The following TTN variants were observed in gnomAD, a reference collection of about 807,000 sequenced individuals.
The protein encoded by TTN is connectin.
Under a neutral mutation model 3,223.0 loss-of-function variants are expected in TTN, and 1,525 were observed. The observed-to-expected ratio is 0.47, with a 90% CI of 0.45 to 0.49. TTN has a LOEUF of 0.49. TTN is among the 20% of genes least tolerant of loss of function. TTN has a pLI of 0.00. For synonymous variants in TTN, 14,094 were observed against 15,161.0 expected, an observed-to-expected ratio of 0.93 and a Z score of 5.17; for missense variants, 40,786 against 43,424.0, an observed-to-expected ratio of 0.94 and a Z score of 5.40.
intron 47 of TTN, chr2:178,745,487 T>C (rs1211816870): frequency 6.5e-7 from 1 of 1,545,100 alleles, no homozygotes. Flanking sequence ...TCAAATATGG[T>C]GGACCTGTTT....
intron 1 of TTN, among the ~76,000 whole-genome samples, 170 bp from the exon 2 acceptor site, chr2:178,804,825 G>A (rs1029245173): frequency 3.3e-5 from 5 of 152,144 alleles, no homozygotes; most frequent in Non-Finnish European, 7.4e-5. Context: ...GTTTTGCATA[G>A]TTCATCATTG....
chr2:178,782,723 T>C, intron 18 of TTN, 83 bp downstream of exon 18: 1 of 1,608,842 alleles, frequency 6.2e-7, no homozygotes, highest in Non-Finnish European at 8.5e-7. Context: ...CATTTCAAGG[T>C]GCACAGAAAC....
Position 178,684,750 on chromosome 2 carries a change from C to T in TTN, c.32555-1G>A, listed in dbSNP as rs932486601. On this transcript the variant is annotated splice_acceptor_variant, in intron 130 of 362. Coordinates refer to ENST00000589042, the MANE Select transcript of TTN (RefSeq NM_001267550.2). LOFTEE classifies it high-confidence loss of function. Reference sequence around the variant, plus strand: ...ACTGGTTTCTTTGGCTCTTCTGGCACTTAAAAGATACCAGGCAATACCATC... The same window carrying T: ...ACTGGTTTCTTTGGCTCTTCTGGCATTTAAAAGATACCAGGCAATACCATC... 3 of 1,613,072 alleles carry T rather than the reference C, an allele frequency of 1.9e-6. No individual in the cohort carries two copies. Among genetic ancestry groups the T allele is most frequent in the Non-Finnish European group, 2.5e-6 (3 of 1,179,564 alleles).
At position 178,721,952 on chromosome 2, in the gene TTN, G is replaced by A. The variant is rs1483207603; in HGVS notation, c.22711C>T (p.His7571Tyr). 1 of 1,613,436 alleles carries A rather than the reference G, an allele frequency of 6.2e-7. No individual in the cohort carries two copies. The highest frequency in any genetic ancestry group is 8.5e-7 in the Non-Finnish European group (1 of 1,179,588). ...YTITCVGNTPHLRILKVGKGD... is the reference protein window; with the variant it reads ...YTITCVGNTPYLRILKVGKGD... ...TTGCCTACTTTAAGAATTCTCAAAT[G>A]AGGAGTGTTTCCCACACATGTGATT... Residue 7571 changes from histidine to tyrosine, a missense_variant, in exon 78 of 363, where the codon CAT becomes TAT. Coordinates refer to ENST00000589042, the MANE Select transcript of TTN (RefSeq NM_001267550.2).
chr2:178,558,739 TA>T, intron 326 of TTN, 102 bp from the exon 327 acceptor site: 1 of 1,247,870 alleles, frequency 8.0e-7, no homozygotes, highest in South Asian at 1.5e-5. Context: ...ATGAAGGCCA[TA>T]TTTTTATGTT....
chr2:178,588,475 C>T lies in TTN; in HGVS notation c.63187+63G>A, dbSNP rs183298068. ...TTAGATGTTACATTAACTTATTTATCGAATACTTCTGTGCTTGAGATTAAG... is the reference window on the plus strand; with the variant it reads ...TTAGATGTTACATTAACTTATTTATTGAATACTTCTGTGCTTGAGATTAAG... On this transcript the variant is annotated intron_variant, in intron 304 of 362. Coordinates refer to ENST00000589042, the MANE Select transcript of TTN (RefSeq NM_001267550.2). 91 of 1,447,134 alleles carry T rather than the reference C, an allele frequency of 6.3e-5. No homozygotes were observed. The Admixed American group carries it at 9.4e-4, about 15-fold the overall frequency. The allele number at this position is 1,447,134 out of a possible 1,614,324, so 89.6% of individuals were successfully genotyped here.
At position 178,634,315 on chromosome 2, in the gene TTN, A is replaced by G; in HGVS notation, c.42415+51T>C. The G allele has an allele frequency of 6.4e-7, 1 of 1,568,802 alleles. No homozygotes were observed. Among genetic ancestry groups the G allele is most frequent in the South Asian group, 1.2e-5 (1 of 83,492 alleles). Reference sequence around the variant, plus strand: ...AACTTGGCGTCCTATCTTTAAAGTCATATATTTGCATGCCTTTATGGGATG... The same window carrying G: ...AACTTGGCGTCCTATCTTTAAAGTCGTATATTTGCATGCCTTTATGGGATG... On this transcript the variant is annotated intron_variant, in intron 230 of 362. Coordinates refer to ENST00000589042, the MANE Select transcript of TTN (RefSeq NM_001267550.2). This position sits in a 1 kb window ranked among gnomAD's most constrained non-coding sequence, Gnocchi z 4.6.
intron 46 of TTN, 23 bp downstream of exon 46, chr2:178,756,199 G>A (rs540023000): frequency 6.5e-7 from 1 of 1,544,324 alleles, no homozygotes; most frequent in East Asian, 2.3e-5. Flanking sequence ...AATGAAGCAA[G>A]TCATAGCTAA....
Position 178,558,598 on chromosome 2 carries a change from A to G in TTN, c.86861T>C (p.Ile28954Thr). The G allele has an allele frequency of 1.9e-6, 3 of 1,613,162 alleles. No individual in the cohort carries two copies. Among genetic ancestry groups the G allele is most frequent in the Admixed American group, 1.7e-5 (1 of 59,886 alleles). ...GGTCAGGGAAACACTGTCTTTGGAT[A>G]TACTTGTTACTCCAAGTTTTTCAGG... Reference protein sequence around the residue: ...SPPEKLGVTSISKDSVSLTWL... With the variant: ...SPPEKLGVTSTSKDSVSLTWL... Residue 28954 changes from isoleucine to threonine, a missense_variant, in exon 327 of 363, where the codon ATA (isoleucine) becomes ACA (threonine). Transcript: ENST00000589042.
intron 328 of TTN, 42 bp downstream of exon 328, chr2:178,557,606 G>A (rs1372318380): frequency 6.2e-7 from 1 of 1,612,342 alleles, no homozygotes; most frequent in Non-Finnish European, 8.5e-7. Flanking sequence ...ACACATTTAT[G>A]GTAAAAGAAA....
rs1163886514 is a variant in TTN, at chr2:178,533,446, G to A, written c.103169C>T (p.Pro34390Leu). 5 of 1,613,658 alleles carry A rather than the reference G, an allele frequency of 3.1e-6. No homozygotes were observed. The African/African-American group carries it at 4.0e-5, about 13-fold the overall frequency. ...TTTCTCCCATTTTAATGTTGGTGGG[G>A]GGATGCCAGACACTCTGATCTCAAA... ...VCFEIRVSGIPPPTLKWEKDG... is the reference protein window; with the variant it reads ...VCFEIRVSGILPPTLKWEKDG... The change falls in exon 358 of 363, where the codon CCC becomes CTC. Residue 34390 changes from proline (P) to leucine (L), a missense_variant. Coordinates refer to ENST00000589042, the MANE Select transcript of TTN (RefSeq NM_001267550.2).
Position 178,694,388 on chromosome 2 carries a change from AT to A in TTN, c.31426+210del. 1.9e-5 allele frequency: 9 copies of A among 470,088 alleles called. No homozygotes were observed. In the South Asian group the frequency reaches 3.8e-4, roughly 20 times the overall value. The allele number at this position is 470,088 out of a possible 1,614,324, so 29.1% of individuals were successfully genotyped here. On this transcript the variant is annotated intron_variant, in intron 117 of 362. Transcript: ENST00000589042. ...CACAAACCTTCTTTATAATAAAAAA[AT>A]GTAATTTTTAAGCAGAACTAGAAAC...
Position 178,569,883 on chromosome 2 carries a change from T to G in TTN, c.76249A>C (p.Ile25417Leu). The change falls in exon 326 of 363, where the codon ATA becomes CTA. Residue 25417 changes from isoleucine (I) to leucine (L), a missense_variant. By Grantham distance (5) the Ile-to-Leu change is conservative. Coordinates refer to ENST00000589042, the MANE Select transcript of TTN (RefSeq NM_001267550.2). The stretch of plus-strand genomic sequence containing the variant: ...GAAAGGAATACTGAAGATCTGGTTA[T>G]GTCTATGACTTTGGGGTTGTTTGGG... ...GPPNNPKVID[I>L]TRSSVFLSWS... The G allele has an allele frequency of 6.2e-7, 1 of 1,613,474 alleles. No homozygotes were observed. Among genetic ancestry groups the G allele is most frequent in the Non-Finnish European group, 8.5e-7 (1 of 1,179,618 alleles).
intron 41 of TTN, among the ~76,000 whole-genome samples, chr2:178,765,606 T>C (rs887320057): frequency 4.6e-5 from 7 of 152,210 alleles, no homozygotes; most frequent in African/African-American, 1.7e-4. Context: ...GCTGGCGATA[T>C]GGTTCATCTT....
At position 178,539,024 on chromosome 2, in the gene TTN, G is replaced by A. The variant is rs765870426; in HGVS notation, c.98911C>T (p.Arg32971Cys). The A allele has an allele frequency of 5.0e-6, 8 of 1,613,732 alleles. No homozygotes were observed. The highest frequency in any genetic ancestry group is 1.1e-5 in the South Asian group (1 of 91,074). The change falls in exon 353 of 363, where the codon CGC (arginine) becomes TGC (cysteine). Residue 32971 changes from arginine to cysteine, a missense_variant. By Grantham distance (180) the Arg-to-Cys change is radical (BLOSUM62 -3). Coordinates refer to ENST00000589042, the MANE Select transcript of TTN (RefSeq NM_001267550.2). ...GLVPDAEYQFRIIAQNDVGLS... is the reference protein window; with the variant it reads ...GLVPDAEYQFCIIAQNDVGLS... ...CCAACATCATTCTGTGCGATGATGC[G>A]GAACTGATACTCAGCATCGGGAACA...
In TTN at chr2:178,602,264, C is replaced by A; in HGVS notation, c.55120+18G>T. 5.6e-6 allele frequency: 9 copies of A among 1,608,354 alleles called. No homozygotes were observed. Among genetic ancestry groups the A allele is most frequent in the Non-Finnish European group, 7.6e-6 (9 of 1,178,022 alleles). On this transcript the variant is annotated intron_variant, in intron 283 of 362. Coordinates refer to ENST00000589042, the MANE Select transcript of TTN (RefSeq NM_001267550.2). Reference sequence around the variant, plus strand: ...TAAGATCAAAAGAGGAATACATAAACTGAGTAAGTACTAGTACCTTGAATA... The same window carrying A: ...TAAGATCAAAAGAGGAATACATAAAATGAGTAAGTACTAGTACCTTGAATA...
chr2:178,603,521 T>G (rs2054000438), intron 282 of TTN, among the ~76,000 whole-genome samples: 1 of 151,960 alleles, frequency 6.6e-6, no homozygotes, highest in African/African-American at 2.4e-5. Context: ...TCTGACTGTT[T>G]AGTGGGAGAG....
In TTN at chr2:178,713,308, T is replaced by A. The variant is rs779923159; in HGVS notation, c.26826A>T (p.Ser8942=). 1 of 1,591,520 alleles carries A rather than the reference T, an allele frequency of 6.3e-7. No homozygotes were observed. Among genetic ancestry groups the A allele is most frequent in the South Asian group, 1.1e-5 (1 of 88,018 alleles). Residue 8942 remains serine (S), a synonymous_variant, in exon 93 of 363, where the codon TCA becomes TCT. Coordinates refer to ENST00000589042, the MANE Select transcript of TTN (RefSeq NM_001267550.2). ...CATAGACTTTACACTCCATTACAAC[T>A]GAGGAGCCGGATAGACCATTTGTCT... The part of the protein sequence containing the change: ...LKETNGLSGS[S]VVMECKVYGS...
At position 178,597,576 on chromosome 2, in the gene TTN, G is replaced by A. The variant is rs183460369; in HGVS notation, c.57506C>T (p.Ala19169Val). The change falls in exon 294 of 363, where the codon GCC (alanine) becomes GTC (valine). Residue 19169 changes from alanine (A) to valine (V), a missense_variant. Ala to Val is a moderately conservative substitution (Grantham distance 64, BLOSUM62 0). Coordinates refer to ENST00000589042, the MANE Select transcript of TTN (RefSeq NM_001267550.2). ...AATAATTGTCTTCTTTCTTTCTCCG[G>A]CTTCATTTTTGGCAAGAAGAGAATA... is the stretch of plus-strand genomic sequence containing the variant. ...GVYSLLAKNEAGERKKTIIVD... is the reference protein window; with the variant it reads ...GVYSLLAKNEVGERKKTIIVD... 6.2e-7 allele frequency: 1 copy of A among 1,612,482 alleles called. No homozygotes were observed. Among genetic ancestry groups the A allele is most frequent in the African/African-American group, 1.3e-5 (1 of 74,828 alleles).
Sources: gnomAD v4.1 joint callset for allele counts (sites outside exome capture counted in the v4.1 genomes callset) on GRCh38, gnomAD v4.1.1 for gene constraint, Gnocchi (gnomAD v3.1) non-coding constraint, MANE v1.5 for transcripts, NCBI Gene and HGNC (gene_info 2026-07-23, HGNC 2026-07-21) for gene names.